CNTNAP3B: variants seen among roughly 807,000 people sequenced by gnomAD.
CNTNAP3B encodes contactin associated protein family member 3B, also known as contactin-associated protein-like 3B.
Under a neutral mutation model 108.9 loss-of-function variants are expected in CNTNAP3B, and 25 were observed. The ratio of observed to expected loss-of-function variants is 0.23; its 90% CI spans 0.17 to 0.32. The LOEUF (loss-of-function observed/expected upper bound fraction) is 0.32, where lower values mean the gene tolerates loss of function less well. CNTNAP3B is among the 10% of genes least tolerant of loss of function. CNTNAP3B has a pLI of 1.00. For missense variants in CNTNAP3B, 252 were observed against 1,210.4 expected, an observed-to-expected ratio of 0.21 and a Z score of 11.75; for synonymous variants, 103 against 473.4, an observed-to-expected ratio of 0.22 and a Z score of 10.16.
At chr9:41,963,011 G>A (rs1825152588) in intron 11 of CNTNAP3B, among the ~76,000 whole-genome samples, 1 of 152,166 alleles carries the variant, frequency 6.6e-6, no homozygotes. Context: ...TTTATAAACA[G>A]GGACCCTTCT....
rs571081529 is a variant in CNTNAP3B, at chr9:42,088,567, C to T, written c.197-11505G>A. 3.4e-4 allele frequency among the ~76,000 whole-genome samples: 47 copies of T among 139,228 alleles called. 6 individuals carry two copies. Among genetic ancestry groups the T allele is most frequent in the East Asian group, 2.8e-3 (13 of 4,582 alleles). The allele number at this position is 139,228 out of a possible 152,430, so 91.3% of individuals were successfully genotyped here. On this transcript the variant is annotated intron_variant, in intron 2 of 23. Coordinates refer to ENST00000377561, the MANE Select transcript of CNTNAP3B (RefSeq NM_001201380.3). ...TTTAAAATCTACATATTTCTTCAATCGAAACACATTTTGCTATAGATAACT... is the reference window on the plus strand; with the variant it reads ...TTTAAAATCTACATATTTCTTCAATTGAAACACATTTTGCTATAGATAACT...
intron 10 of CNTNAP3B, among the ~76,000 whole-genome samples, chr9:41,967,271 A>C (rs1443271246): frequency 6.6e-6 from 1 of 152,278 alleles, no homozygotes; most frequent in African/African-American, 2.4e-5. Flanking sequence ...TGAATCATGC[A>C]GGCAGATCTT....
At chr9:41,993,341 C>A (rs1825841560) in intron 7 of CNTNAP3B, 1 of 123,678 alleles carries the variant, frequency 8.1e-6, no homozygotes, top group Non-Finnish European at 1.7e-5. Context: ...TCCCAACATA[C>A]TTTAGAAATG....
chr9:41,997,447 G>A, intron 6 of CNTNAP3B, 121 bp downstream of exon 6: 3 of 1,346,162 alleles, frequency 2.2e-6, no homozygotes, highest in Non-Finnish European at 3.0e-6. Context: ...CATAGTACCG[G>A]GACAGACATA....
intron 2 of CNTNAP3B, among the ~76,000 whole-genome samples, chr9:42,095,104 GAAC>G (rs1230500021): frequency 7.4e-6 from 1 of 135,928 alleles, no homozygotes; most frequent in African/African-American, 3.0e-5. Context: ...CTGTGCAAAA[GAAC>G]AACAGAAATT....
intron 11 of CNTNAP3B, among the ~76,000 whole-genome samples, chr9:41,962,270 G>A (rs1413012545): frequency 6.6e-6 from 1 of 152,264 alleles, no homozygotes; most frequent in Non-Finnish European, 1.5e-5. Flanking sequence ...AGGTGTGGCA[G>A]TCTAGTCTCA....
rs1375044552 is a variant in CNTNAP3B at position 42,099,288 on chromosome 9, C to A, written c.196+5341G>T. Among the ~76,000 whole-genome samples the A allele has an allele frequency of 1.6e-5, 2 of 123,182 alleles. 1 individual carries two copies. The highest frequency in any genetic ancestry group is 3.4e-5 in the Non-Finnish European group (2 of 59,158). The allele number at this position is 123,182 out of a possible 152,430, so 80.8% of individuals were successfully genotyped here. A position where few individuals can be genotyped will look rare whatever the true frequency, so the allele number is the denominator to read the frequency against. ...CTCATTAGGGCAGTTTCCACAGTGA[C>A]CCACATCATCAACAATGGCATGCAT... is the stretch of plus-strand genomic sequence containing the variant. On this transcript the variant is annotated intron_variant, in intron 2 of 23. Coordinates refer to ENST00000377561, the MANE Select transcript of CNTNAP3B (RefSeq NM_001201380.3).
At chr9:42,089,599 G>A (rs1472664174) in intron 2 of CNTNAP3B, among the ~76,000 whole-genome samples, 2 of 146,944 alleles carry the variant, frequency 1.4e-5, no homozygotes, top group Admixed American at 6.8e-5. Flanking sequence ...ATATTGAAAA[G>A]CCCTTACAAA....
At chr9:42,015,025 CTTTTT>C (rs761938709) in intron 3 of CNTNAP3B, among the ~76,000 whole-genome samples, 1 of 11,200 alleles carries the variant, frequency 8.9e-5, no homozygotes, top group Admixed American at 1.7e-3. Context: ...ATCATTTCAC[CTTTTT>C]TTTTTTTTTT....
At chr9:41,926,502 C>A (rs949418361) in intron 15 of CNTNAP3B, among the ~76,000 whole-genome samples, 1 of 152,296 alleles carries the variant, frequency 6.6e-6, no homozygotes, top group Non-Finnish European at 1.5e-5. Flanking sequence ...CACTTTGTCA[C>A]CCAGGCTGGA....
intron 3 of CNTNAP3B, among the ~76,000 whole-genome samples, chr9:42,070,856 A>G (rs1827361742): frequency 6.6e-6 from 1 of 151,938 alleles, no homozygotes; most frequent in South Asian, 2.1e-4. Flanking sequence ...GAGATCTACT[A>G]ATGCACTTTG....
Position 42,089,520 on chromosome 9 carries a change from T to C in CNTNAP3B, c.197-12458A>G, listed in dbSNP as rs184645342. 6.6e-3 allele frequency among the ~76,000 whole-genome samples: 955 copies of C among 145,150 alleles called. 8 individuals carry two copies. Among genetic ancestry groups the C allele is most frequent in the African/African-American group, 0.024 (917 of 37,734 alleles). On this transcript the variant is annotated intron_variant, in intron 2 of 23. Coordinates refer to ENST00000377561, the MANE Select transcript of CNTNAP3B (RefSeq NM_001201380.3). ...AGAATTTTGCTTTTATTTATTAATA[T>C]GATTTTAAACTATGGTGCCAAGTTT...
intron 3 of CNTNAP3B, among the ~76,000 whole-genome samples, chr9:42,048,333 TCTACACTCCCATCCGCCC>T (rs1826919764): frequency 4.2e-5 from 1 of 23,624 alleles, no homozygotes; most frequent in Non-Finnish European, 8.6e-5. Context: ...TTCTGGGCTC[TCTACACTCCCATCCGCCC>T]ATGCACTCCC....
chr9:41,960,723 AT>A (rs1428113452), intron 12 of CNTNAP3B, 49 bp downstream of exon 12: 1 of 1,518,414 alleles, frequency 6.6e-7, no homozygotes, highest in Non-Finnish European at 8.9e-7. Context: ...AACTAGGTAA[AT>A]TTCTCCTTGG....
intron 9 of CNTNAP3B, among the ~76,000 whole-genome samples, chr9:41,984,084 T>C: frequency 1.8e-5 from 1 of 55,894 alleles, no homozygotes; most frequent in African/African-American, 7.3e-5. Flanking sequence ...ATAAAAATCT[T>C]AAGCTCTTCA....
chr9:41,966,373 A>G (rs1469209465), intron 10 of CNTNAP3B, among the ~76,000 whole-genome samples: 6 of 152,304 alleles, frequency 3.9e-5, no homozygotes, highest in African/African-American at 1.4e-4. Flanking sequence ...ATCAACATGT[A>G]TACACTATTT....
intron 2 of CNTNAP3B, among the ~76,000 whole-genome samples, chr9:42,087,141 T>A (rs1460534620): frequency 7.0e-6 from 1 of 141,942 alleles, no homozygotes; most frequent in Admixed American, 7.0e-5. Flanking sequence ...AAGAATTGAT[T>A]TTTGTATATT....
In CNTNAP3B at chr9:42,089,160, T is replaced by G. The variant is rs1234541581; in HGVS notation, c.197-12098A>C. ...CAGGGAAAGGGAAAGGGAAAAAGGGTGAAAGGGGGAAAGGAGAAAGAAGGG... is the reference window on the plus strand; with the variant it reads ...CAGGGAAAGGGAAAGGGAAAAAGGGGGAAAGGGGGAAAGGAGAAAGAAGGG... On this transcript the variant is annotated intron_variant, in intron 2 of 23. Transcript: ENST00000377561. Among the ~76,000 whole-genome samples, 345 of 50,830 alleles carry G rather than the reference T, an allele frequency of 6.8e-3. 1 individual carries two copies. The highest frequency in any genetic ancestry group is 7.2e-3 in the African/African-American group (83 of 11,462). 33.3% of individuals were successfully genotyped at this position (50,830 alleles called of 152,430 possible).
intron 1 of CNTNAP3B, among the ~76,000 whole-genome samples, chr9:42,127,814 G>C (rs1249064075): frequency 7.2e-6 from 1 of 139,108 alleles, no homozygotes; most frequent in Non-Finnish European, 1.5e-5. Context: ...ACCCATGTGC[G>C]TGCCCTGTGT....
Sources: allele counts gnomAD v4.1 joint callset (sites outside exome capture counted in the v4.1 genomes callset), GRCh38; gene constraint gnomAD v4.1.1; transcripts MANE v1.5; gene names NCBI Gene and HGNC (gene_info 2026-07-23, HGNC 2026-07-21).